Variants in GASK1A observed in about 807,000 individuals in gnomAD.
GASK1A encodes Golgi-associated kinase 1A.
A neutral mutation model predicts 41.2 loss-of-function variants in GASK1A; 40 were observed. That is an observed-to-expected ratio of 0.97 (90% CI 0.75 to 1.27). The LOEUF is 1.27. GASK1A is among the 50% of genes most tolerant of loss of function. GASK1A has a pLI of 0.00. For missense variants in GASK1A, 678 were observed against 745.1 expected, an observed-to-expected ratio of 0.91 and a Z score of 1.05; for synonymous variants, 316 against 307.1, an observed-to-expected ratio of 1.03 and a Z score of -0.30.
intron 1 of GASK1A, among the ~76,000 whole-genome samples, chr3:43,010,711 T>G (rs114581082): frequency 0.01 from 1,590 of 152,346 alleles, 15 homozygotes; most frequent in Admixed American, 0.015. Flanking sequence ...AGAACCATCA[T>G]TTTCTAAGGC....
chr3:43,031,821 A>G (rs1446378601), intron 1 of GASK1A, among the ~76,000 whole-genome samples: 1 of 152,182 alleles, frequency 6.6e-6, no homozygotes, highest in East Asian at 1.9e-4. Context: ...CTGGGTGGCC[A>G]TGTGCTCTGG....
At chr3:43,024,248 C>T (rs2089535423) in intron 1 of GASK1A, among the ~76,000 whole-genome samples, 1 of 152,146 alleles carries the variant, frequency 6.6e-6, no homozygotes, top group African/African-American at 2.4e-5. Context: ...CTGTCCTCTG[C>T]TCTATCACCT....
chr3:43,055,006 T>C (rs970601584), intron 3 of GASK1A, among the ~76,000 whole-genome samples: 6 of 152,184 alleles, frequency 3.9e-5, no homozygotes, highest in African/African-American at 1.4e-4. Flanking sequence ...AACTGCTGAT[T>C]CCCACCCTTG....
chr3:43,002,155 T>G lies in GASK1A; in HGVS notation c.3+22510T>G, dbSNP rs62249581. Among the ~76,000 whole-genome samples the G allele has an allele frequency of 7.2e-5, 11 of 152,172 alleles. No homozygotes were observed. In the South Asian group the frequency reaches 2.1e-3, roughly 29 times the overall value. On this transcript the variant is annotated intron_variant, in intron 1 of 4. Transcript: ENST00000430121. ...TTCGTCTTCCCAGAATCCTCCTTGT[T>G]AGATGGTCTAGTTTGTTTCTCAAGA...
At chr3:42,994,640 C>G (rs541705703) in intron 1 of GASK1A, among the ~76,000 whole-genome samples, 1 of 152,168 alleles carries the variant, frequency 6.6e-6, no homozygotes, top group South Asian at 2.1e-4. Context: ...AGACCTGTTC[C>G]TCTTCTCTGA....
At chr3:43,046,651 G>A (rs150000564) in intron 2 of GASK1A, among the ~76,000 whole-genome samples, 1 of 152,198 alleles carries the variant, frequency 6.6e-6, no homozygotes, top group Non-Finnish European at 1.5e-5. Context: ...GTAATGAGGA[G>A]CCAAATGTCA....
chr3:42,984,497 A>G lies in GASK1A; in HGVS notation c.3+4852A>G, dbSNP rs2089298358. On this transcript the variant is annotated intron_variant, in intron 1 of 4. Coordinates refer to ENST00000430121, the MANE Select transcript of GASK1A (RefSeq NM_001129908.3). This position sits in a 1 kb window ranked among gnomAD's most constrained non-coding sequence, Gnocchi z 4.2. ...GAACTGCCAGCTGAGTGGAAGATGG[A>G]AGGTGCTTTATAATAGCATCTGGTG... is the stretch of plus-strand genomic sequence containing the variant. Among the ~76,000 whole-genome samples the G allele has an allele frequency of 6.6e-6, 1 of 152,064 alleles. No homozygotes were observed. The highest frequency in any genetic ancestry group is 6.5e-5 in the Admixed American group (1 of 15,270).
chr3:43,010,128 C>T (rs995629034), intron 1 of GASK1A, among the ~76,000 whole-genome samples: 4 of 152,308 alleles, frequency 2.6e-5, no homozygotes, highest in East Asian at 1.9e-4. Context: ...CTCCAAAGTA[C>T]GTGCCTAACA....
intron 1 of GASK1A, among the ~76,000 whole-genome samples, chr3:42,985,992 G>T (rs564960463): frequency 2.0e-5 from 3 of 152,274 alleles, no homozygotes; most frequent in Admixed American, 1.3e-4. Context: ...GTTTATGCAG[G>T]AGGAATGAAA....
rs1291002023 is a variant in GASK1A at position 43,055,519 on chromosome 3, C to T, written c.1501C>T (p.Leu501=). 2 of 1,551,788 alleles carry T rather than the reference C, an allele frequency of 1.3e-6. No individual in the cohort carries two copies. Among genetic ancestry groups the T allele is most frequent in the African/African-American group, 2.7e-5 (2 of 73,046 alleles). Residue 501 remains leucine, a synonymous_variant, in exon 4 of 5, where the codon CTG becomes TTG. Transcript: ENST00000430121. ...HPEDKLNFRL[L]EGIDGFPESA... is the part of the protein sequence containing the mutation. The stretch of plus-strand genomic sequence containing the variant: ...TGAGGACAAGCTGAACTTTCGGCTG[C>T]TGGAGGGCATAGATGGGTGAGGGTC...
chr3:42,993,689 G>A (rs575889889), intron 1 of GASK1A, among the ~76,000 whole-genome samples: 17 of 152,162 alleles, frequency 1.1e-4, no homozygotes, highest in African/African-American at 4.1e-4. Context: ...AGCCCCCTTT[G>A]CCTAAAAGCA....
intron 2 of GASK1A, among the ~76,000 whole-genome samples, chr3:43,044,684 A>C (rs549353104): frequency 1.3e-5 from 2 of 152,240 alleles, no homozygotes; most frequent in Admixed American, 6.5e-5. Flanking sequence ...AATGCAGCCA[A>C]ATTCACTCCT....
chr3:43,027,077 A>G (rs12492075), intron 1 of GASK1A, among the ~76,000 whole-genome samples: 30,352 of 152,246 alleles, frequency 0.2, 3,232 homozygotes, highest in South Asian at 0.36. Context: ...GTGGAGCAGA[A>G]CCCATAAGCT....
Position 43,056,445 on chromosome 3 carries a change from C to T in GASK1A, c.*59C>T. The T allele has an allele frequency of 2.1e-6, 3 of 1,402,070 alleles. No homozygotes were observed. The highest frequency in any genetic ancestry group is 2.5e-5 in the East Asian group (1 of 39,546). 86.9% of individuals were successfully genotyped at this position (1,402,070 alleles called of 1,614,324 possible). Reference sequence around the variant, plus strand: ...CCTGATGGCCACATTTTCTTGGGCTCACTCATCTTGAGGACAAATGGGAAA... The same window carrying T: ...CCTGATGGCCACATTTTCTTGGGCTTACTCATCTTGAGGACAAATGGGAAA... On this transcript the variant is annotated 3_prime_UTR_variant, in exon 5 of 5. Coordinates refer to ENST00000430121, the MANE Select transcript of GASK1A (RefSeq NM_001129908.3).
Position 42,979,790 on chromosome 3 carries a change from C to A in GASK1A, c.3+145C>A, listed in dbSNP as rs1444940614. 6.1e-6 allele frequency: 5 copies of A among 821,760 alleles called. No individual in the cohort carries two copies. In the African/African-American group the frequency reaches 7.1e-5, roughly 12 times the overall value. 50.9% of individuals were successfully genotyped at this position (821,760 alleles called of 1,614,324 possible). A position where few individuals can be genotyped will look rare whatever the true frequency, so the allele number is the denominator to read the frequency against. On this transcript the variant is annotated intron_variant, in intron 1 of 4. Coordinates refer to ENST00000430121, the MANE Select transcript of GASK1A (RefSeq NM_001129908.3). ...GTTGTTCCCCGAAAGTTGCATGGGG[C>A]GGCGGCGGCTTTCATTTCTGCACCA... is the stretch of plus-strand genomic sequence containing the variant.
At chr3:43,041,273 A>G (rs1256231317) in intron 2 of GASK1A, among the ~76,000 whole-genome samples, 1 of 151,944 alleles carries the variant, frequency 6.6e-6, no homozygotes, top group Non-Finnish European at 1.5e-5. Context: ...TGGTATTTCT[A>G]GTTCTAGATC....
At chr3:43,042,357 C>T (rs1018915611) in intron 2 of GASK1A, among the ~76,000 whole-genome samples, 2 of 151,170 alleles carry the variant, frequency 1.3e-5, no homozygotes, top group African/African-American at 4.9e-5. Context: ...GTGGCATGCA[C>T]CTGTAGTCCC....
At chr3:43,031,246 G>C (rs2089574365) in intron 1 of GASK1A, among the ~76,000 whole-genome samples, 1 of 152,130 alleles carries the variant, frequency 6.6e-6, no homozygotes, top group South Asian at 2.1e-4. Context: ...TCACATAAAG[G>C]CTCACAGGTA....
chr3:43,047,189 G>A (rs1300685734), intron 2 of GASK1A, among the ~76,000 whole-genome samples: 2 of 152,196 alleles, frequency 1.3e-5, no homozygotes, highest in Non-Finnish European at 2.9e-5. Flanking sequence ...TGTGCACCTG[G>A]AAAAGCTGCA....
Sources: gnomAD v4.1 joint callset for allele counts (sites outside exome capture counted in the v4.1 genomes callset) on GRCh38, gnomAD v4.1.1 for gene constraint, Gnocchi (gnomAD v3.1) non-coding constraint, MANE v1.5 for transcripts, NCBI Gene and HGNC (gene_info 2026-07-23, HGNC 2026-07-21) for gene names.